The following PCDHA3 variants were observed in gnomAD, a reference collection of about 807,000 sequenced individuals.
The protein encoded by PCDHA3 is protocadherin alpha-3.
PCDHA3 carries 41 observed loss-of-function variants against 62.2 expected under a neutral mutation model. The observed-to-expected ratio is 0.66, with a 90% confidence interval of 0.51 to 0.86. The LOEUF (loss-of-function observed/expected upper bound fraction) is 0.86. Ranked by LOEUF, PCDHA3 falls within the 40% of genes least tolerant of loss-of-function variation. The probability of loss-of-function intolerance (pLI) is 0.00; values close to 1 mark genes in which losing one functional copy is unlikely to be tolerated. For missense variants in PCDHA3, 1,304 were observed against 1,241.2 expected (o/e 1.05, Z -0.76); for synonymous variants, 640 against 555.4 (o/e 1.15, Z -2.14).
chr5:140,949,880 A>G (rs1448161802), intron 1 of PCDHA3, among the ~76,000 whole-genome samples: 1 of 151,692 alleles, frequency 6.6e-6, no homozygotes, highest in African/African-American at 2.4e-5. Flanking sequence ...TTATTTGGGT[A>G]TTCCTCAGAA....
intron 1 of PCDHA3, chr5:140,968,723 GGTA>G (rs1199893104): frequency 9.3e-6 from 15 of 1,613,990 alleles, no homozygotes; most frequent in Non-Finnish European, 1.3e-5. Context: ...AGATGAGAGT[GGTA>G]GCACTTTCAA....
At chr5:140,863,429 G>A (rs781937083) in intron 1 of PCDHA3, 1 of 653,862 alleles carries the variant, frequency 1.5e-6, no homozygotes, top group East Asian at 4.5e-5. Flanking sequence ...AGCGTAGTGG[G>A]ATCTGGTCTT....
intron 1 of PCDHA3, chr5:140,851,446 T>G (rs576126527): frequency 1.1e-6 from 1 of 916,006 alleles, no homozygotes; most frequent in South Asian, 5.0e-5. Flanking sequence ...GTTGCTCCAC[T>G]TTAGGAATCA....
intron 1 of PCDHA3, chr5:140,836,859 A>G: frequency 1.3e-6 from 1 of 776,996 alleles, no homozygotes. Flanking sequence ...ATTATTTTTT[A>G]ATGTTATGCT....
At chr5:140,882,113 G>C in intron 1 of PCDHA3, 1 of 1,394,318 alleles carries the variant, frequency 7.2e-7, no homozygotes, top group South Asian at 1.5e-5. Context: ...GAAGAAAGCC[G>C]CCGTTTCTTT....
chr5:140,928,802 TG>T, intron 1 of PCDHA3: 1 of 1,614,142 alleles, frequency 6.2e-7, no homozygotes, highest in South Asian at 1.1e-5. Context: ...GTGGTGGTAG[TG>T]GTTCGGGACC....
chr5:140,956,243 C>T (rs2095270530), intron 1 of PCDHA3, among the ~76,000 whole-genome samples: 1 of 152,142 alleles, frequency 6.6e-6, no homozygotes, highest in African/African-American at 2.4e-5. Flanking sequence ...AAGGGGAATG[C>T]TTCCAGGTTT....
At chr5:140,808,535 G>C in intron 1 of PCDHA3, 4 of 1,614,180 alleles carry the variant, frequency 2.5e-6, no homozygotes, top group Non-Finnish European at 1.7e-6. Context: ...TGATGTGAAC[G>C]ACAACGCTCC....
intron 1 of PCDHA3, among the ~76,000 whole-genome samples, chr5:140,918,659 G>A (rs1584109247): frequency 6.6e-6 from 1 of 152,172 alleles, no homozygotes; most frequent in Non-Finnish European, 1.5e-5. Context: ...TTCTCATGTT[G>A]ATGGTATGAA....
intron 1 of PCDHA3, among the ~76,000 whole-genome samples, chr5:140,855,119 T>C (rs2043346913): frequency 1.3e-5 from 2 of 149,812 alleles, no homozygotes; most frequent in African/African-American, 4.9e-5. Flanking sequence ...AGGCATTCTA[T>C]AGGTAATAAT....
intron 1 of PCDHA3, among the ~76,000 whole-genome samples, chr5:140,923,268 G>C (rs2081286092): frequency 6.6e-6 from 1 of 152,154 alleles, no homozygotes; most frequent in Non-Finnish European, 1.5e-5. Context: ...GTGAGACCTT[G>C]TCTCTACAAA....
intron 1 of PCDHA3, chr5:140,852,359 C>T (rs2042307858): frequency 1.5e-5 from 3 of 204,042 alleles, no homozygotes; most frequent in Non-Finnish European, 1.9e-5. Flanking sequence ...CTCACTGCAA[C>T]GTCTGCCTCC....
chr5:140,868,879 C>T (rs1247053599), intron 1 of PCDHA3: 1 of 693,900 alleles, frequency 1.4e-6, no homozygotes, highest in Non-Finnish European at 2.3e-6. Context: ...ACAGTACTCA[C>T]AGTTTTAGGC....
intron 1 of PCDHA3, among the ~76,000 whole-genome samples, chr5:140,846,605 ACCT>A (rs1246547204): frequency 6.7e-6 from 1 of 148,178 alleles, no homozygotes; most frequent in East Asian, 1.9e-4. Context: ...CGATCTCCTG[ACCT>A]CCTGATCCGC....
At chr5:140,864,124 T>C (rs528215401) in intron 1 of PCDHA3, 4 of 152,368 alleles carry the variant, frequency 2.6e-5, no homozygotes, top group South Asian at 2.1e-4. Flanking sequence ...TGAATTAGAC[T>C]GAGTGGCTGT....
At position 140,944,959 on chromosome 5, in the gene PCDHA3, A is replaced by C. The variant is rs183198577; in HGVS notation, c.2395-33990A>C. Among the ~76,000 whole-genome samples, 72 of 152,254 alleles carry C rather than the reference A, an allele frequency of 4.7e-4. No individual in the cohort carries two copies. The East Asian group carries it at 0.012, about 25-fold the overall frequency. ...TTAGATGATTGTGAATAAGAGTATT[A>C]TCTTAACCTCTCTGGTGGGTCTACT... On this transcript the variant is annotated intron_variant, in intron 1 of 3. Coordinates refer to ENST00000522353, the MANE Select transcript of PCDHA3 (RefSeq NM_018906.3).
At chr5:140,841,238 G>A in intron 1 of PCDHA3, 8 of 1,482,530 alleles carry the variant, frequency 5.4e-6, no homozygotes, top group Non-Finnish European at 7.2e-6. Flanking sequence ...GAGATGCAGC[G>A]GAATTGGATT....
In PCDHA3 at chr5:140,851,512, GT is replaced by G. The variant is rs1354131042; in HGVS notation, c.2394+47925del. On this transcript the variant is annotated intron_variant, in intron 1 of 3. Coordinates refer to ENST00000522353, the MANE Select transcript of PCDHA3 (RefSeq NM_018906.3). ...CTTCATTTCAACTTATATAAAATAT[GT>G]TTTAAAATGCCTGACAATGTAGATA... The G allele has an allele frequency of 1.0e-5, 9 of 903,444 alleles. 1 individual carries two copies. The highest frequency in any genetic ancestry group is 1.8e-5 in the African/African-American group (1 of 55,438). 56.0% of individuals were successfully genotyped at this position (903,444 alleles called of 1,614,324 possible). A position where few individuals can be genotyped will look rare whatever the true frequency, so the allele number is the denominator to read the frequency against.
In PCDHA3 at chr5:140,836,669, G is replaced by A. The variant is rs142732506; in HGVS notation, c.2394+33078G>A. ...GGCGGCAGAGGGTGTGCTCTGGGGA[G>A]GGCCCACCCAAGACAGACCTCATGG... On this transcript the variant is annotated intron_variant, in intron 1 of 3. Coordinates refer to ENST00000522353, the MANE Select transcript of PCDHA3 (RefSeq NM_018906.3). The A allele has an allele frequency of 2.5e-6, 4 of 1,613,470 alleles. No homozygotes were observed. In the East Asian group the frequency reaches 8.9e-5, roughly 36 times the overall value.
Sources: allele counts gnomAD v4.1 joint callset (sites outside exome capture counted in the v4.1 genomes callset), GRCh38; gene constraint gnomAD v4.1.1; transcripts MANE v1.5; gene names NCBI Gene and HGNC (gene_info 2026-07-23, HGNC 2026-07-21).